The following HS6ST2 variants were observed in gnomAD, a reference collection of about 807,000 sequenced individuals.
HS6ST2 encodes the protein heparan sulfate 6-O-sulfotransferase 2, also known as heparan-sulfate 6-O-sulfotransferase 2.
Under a neutral mutation model 33.0 loss-of-function variants are expected in HS6ST2, and 17 were observed. That is an observed-to-expected ratio of 0.52 (90% confidence interval 0.35 to 0.77). The LOEUF is 0.77. Among genes scored for constraint, HS6ST2 ranks in the 30% least tolerant of loss-of-function variants. HS6ST2 has a pLI of 0.01. For synonymous variants in HS6ST2, 248 were observed against 237.1 expected (o/e 1.05, Z -0.42); for missense variants, 519 against 551.7 (o/e 0.94, Z 0.59).
chrX:132,911,643 T>TC (rs2066535337), intron 2 of HS6ST2, among the ~76,000 whole-genome samples: 1 of 95,044 alleles, frequency 1.1e-5, no homozygotes, highest in Admixed American at 1.1e-4. Flanking sequence ...ACACTCTTTT[T>TC]TTTTTTTTTT....
intron 2 of HS6ST2, among the ~76,000 whole-genome samples, chrX:132,903,921 C>T (rs991397215): frequency 1.8e-5 from 2 of 111,978 alleles, no homozygotes; most frequent in African/African-American, 6.5e-5. Context: ...TCATAGCATA[C>T]ATACAATGTT....
chrX:132,958,318 G>T lies in HS6ST2; in HGVS notation c.285C>A (p.Arg95=). The change falls in exon 1 of 5, where the codon CGC becomes CGA. Residue 95 remains arginine (R), a synonymous_variant. Coordinates refer to ENST00000370833, the MANE Select transcript of HS6ST2 (RefSeq NM_001394073.1). The part of the protein sequence containing the change: ...PLFALLSRGR[R]RRMHVLRRRW... ...GTCGCCTGAGGACGTGCATCCGCCT[G>T]CGGCGGCCCCGGGACAGCAGCGCGA... 1 of 1,197,077 alleles carries T rather than the reference G, an allele frequency of 8.4e-7. No individual in the cohort carries two copies.
chrX:132,915,978 C>T (rs1051554712), intron 2 of HS6ST2, among the ~76,000 whole-genome samples: 1 of 110,466 alleles, frequency 9.1e-6, no homozygotes, highest in African/African-American at 3.3e-5. Context: ...CGTGATCCAC[C>T]TGCCTCGGCC....
intron 2 of HS6ST2, among the ~76,000 whole-genome samples, chrX:132,925,744 G>T (rs1008309860): frequency 4.5e-5 from 5 of 111,866 alleles, no homozygotes; most frequent in African/African-American, 1.6e-4. Flanking sequence ...ATATTAGCAA[G>T]AATCTTACAA....
rs911584722 is a variant in HS6ST2, at chrX:132,705,565, T to C, written c.980+2897A>G. Among the ~76,000 whole-genome samples, 4 of 112,069 alleles carry C rather than the reference T, an allele frequency of 3.6e-5. No homozygotes were observed. The Admixed American group carries it at 3.8e-4, about 11-fold the overall frequency. ...AAAACGATGGTAATAACCACCATTA[T>C]CGACTGTTTACTATGTGACAGGAAC... On this transcript the variant is annotated intron_variant, in intron 3 of 4. Transcript: ENST00000370833.
At chrX:132,851,644 T>G (rs2065802074) in intron 2 of HS6ST2, among the ~76,000 whole-genome samples, 1 of 112,120 alleles carries the variant, frequency 8.9e-6, no homozygotes, top group African/African-American at 3.2e-5. Flanking sequence ...TTCACAGATC[T>G]ATATCATGCA....
At chrX:132,913,520 T>A (rs2066553934) in intron 2 of HS6ST2, among the ~76,000 whole-genome samples, 1 of 112,604 alleles carries the variant, frequency 8.9e-6, no homozygotes, top group African/African-American at 3.2e-5. Context: ...GGTTGCAGCA[T>A]GCCCGGCCCA....
chrX:132,952,380 A>AG (rs1282018893), intron 2 of HS6ST2, among the ~76,000 whole-genome samples: 3 of 111,361 alleles, frequency 2.7e-5, no homozygotes, highest in African/African-American at 9.8e-5. Flanking sequence ...CCAACAGCTT[A>AG]GAGCCTGATG....
At chrX:132,942,690 T>A (rs1341381657) in intron 2 of HS6ST2, among the ~76,000 whole-genome samples, 1 of 112,150 alleles carries the variant, frequency 8.9e-6, no homozygotes, top group Admixed American at 9.5e-5. Context: ...TTACAAGAGA[T>A]GCCCTGCCTG....
intron 3 of HS6ST2, among the ~76,000 whole-genome samples, chrX:132,697,292 G>A (rs2064110957): frequency 9.0e-6 from 1 of 111,625 alleles, no homozygotes; most frequent in South Asian, 3.8e-4. Context: ...TCTATTTAGT[G>A]TCTTATGCAA....
At chrX:132,725,761 A>G (rs1457813116) in intron 2 of HS6ST2, among the ~76,000 whole-genome samples, 1 of 112,043 alleles carries the variant, frequency 8.9e-6, no homozygotes. Flanking sequence ...GAAGCAACCT[A>G]AGGTGTCCAT....
chrX:132,851,592 T>A (rs762369227), intron 2 of HS6ST2, among the ~76,000 whole-genome samples: 2 of 112,488 alleles, frequency 1.8e-5, no homozygotes, highest in East Asian at 2.8e-4. Flanking sequence ...ACAATATCCA[T>A]AACCAGAGAC....
chrX:132,813,248 T>C (rs1485823940), intron 2 of HS6ST2, among the ~76,000 whole-genome samples: 1 of 111,976 alleles, frequency 8.9e-6, no homozygotes, highest in East Asian at 2.8e-4. Context: ...TCAGTCTATC[T>C]AACTTGGCCA....
chrX:132,755,340 C>T (rs2064748547), intron 2 of HS6ST2, among the ~76,000 whole-genome samples: 1 of 112,006 alleles, frequency 8.9e-6, no homozygotes, highest in East Asian at 2.8e-4. Context: ...CACTTCCTTA[C>T]TTTCTGGCAA....
At chrX:132,742,622 A>G (rs936453867) in intron 2 of HS6ST2, among the ~76,000 whole-genome samples, 1 of 112,235 alleles carries the variant, frequency 8.9e-6, no homozygotes, top group Non-Finnish European at 1.9e-5. Flanking sequence ...AATCTTCCCA[A>G]CAACAGGTGC....
At position 132,898,494 on chromosome X, in the gene HS6ST2, A is replaced by G. The variant is rs190075175; in HGVS notation, c.947+58314T>C. 2.8e-3 allele frequency among the ~76,000 whole-genome samples: 299 copies of G among 108,082 alleles called. 2 individuals are homozygous for G. Among genetic ancestry groups the G allele is most frequent in the Admixed American group, 0.016 (161 of 9,934 alleles). 93.9% of individuals were successfully genotyped at this position (108,082 alleles called of 115,157 possible). A position where few individuals can be genotyped will look rare whatever the true frequency, so the allele number is the denominator to read the frequency against. ...CAGTCTGGCATCACAAAAACGTATT[A>G]ACAACTTTTGCTTCCAACCATGATG... is the stretch of plus-strand genomic sequence containing the variant. On this transcript the variant is annotated intron_variant, in intron 2 of 4. Coordinates refer to ENST00000370833, the MANE Select transcript of HS6ST2 (RefSeq NM_001394073.1).
At chrX:132,811,361 T>G (rs934664708) in intron 2 of HS6ST2, among the ~76,000 whole-genome samples, 1 of 109,862 alleles carries the variant, frequency 9.1e-6, no homozygotes, top group African/African-American at 3.3e-5. Flanking sequence ...TAAAACTTAT[T>G]TTAAGTATTA....
At chrX:132,650,076 G>C (rs1246015613) in intron 4 of HS6ST2, among the ~76,000 whole-genome samples, 1 of 111,528 alleles carries the variant, frequency 9.0e-6, no homozygotes, top group African/African-American at 3.3e-5. Context: ...GATATAAAGA[G>C]GACTTGCCCT....
chrX:132,923,576 C>T (rs967478090), intron 2 of HS6ST2, among the ~76,000 whole-genome samples: 1 of 111,780 alleles, frequency 8.9e-6, no homozygotes, highest in Non-Finnish European at 1.9e-5. Context: ...TTTACAAAAC[C>T]ATAGACTCTA....
Sources: gnomAD v4.1 joint callset for allele counts (sites outside exome capture counted in the v4.1 genomes callset) on GRCh38, gnomAD v4.1.1 for gene constraint, MANE v1.5 for transcripts, NCBI Gene and HGNC (gene_info 2026-07-23, HGNC 2026-07-21) for gene names.